Variants in CIZ1 observed in about 807,000 individuals in gnomAD.
The protein encoded by CIZ1 is cip1-interacting zinc finger protein.
A neutral mutation model predicts 118.6 loss-of-function variants in CIZ1; 58 were observed. The ratio of observed to expected loss-of-function variants is 0.49; its 90% confidence interval spans 0.40 to 0.61. The LOEUF (loss-of-function observed/expected upper bound fraction) is 0.61, where lower values mean the gene tolerates loss of function less well. Ranked by LOEUF, CIZ1 falls within the 20% of genes least tolerant of loss-of-function variation. The pLI is 0.00. For synonymous variants in CIZ1, 448 were observed against 443.4 expected (o/e 1.01, Z -0.13); for missense variants, 921 against 1,115.9 (o/e 0.83, Z 2.49).
At position 128,166,634 on chromosome 9, in the gene CIZ1, G is replaced by T; in HGVS notation, c.2487+125C>A. On this transcript the variant is annotated intron_variant, in intron 16 of 16. Coordinates refer to ENST00000372938, the MANE Select transcript of CIZ1 (RefSeq NM_001131016.2). The surrounding 1 kb of genome is among the most constrained non-coding windows in gnomAD (Gnocchi z 4.4). ...CCCAGCTCTAATTCTCTCCCTGTTG[G>T]TGCAGGGGTGGTGCCTGGGGATTGA... 1.6e-6 allele frequency: 2 copies of T among 1,263,516 alleles called. No individual in the cohort carries two copies. Among genetic ancestry groups the T allele is most frequent in the Non-Finnish European group, 1.1e-6 (1 of 880,610 alleles). 78.3% of individuals were successfully genotyped at this position (1,263,516 alleles called of 1,614,324 possible). A position where few individuals can be genotyped will look rare whatever the true frequency, so the allele number is the denominator to read the frequency against.
chr9:128,192,649 C>T (rs1833243535), upstream of CIZ1, among the ~76,000 whole-genome samples: 1 of 152,190 alleles, frequency 6.6e-6, no homozygotes. Context: ...TTCAAGTGGT[C>T]CTCCCGCCTC....
Position 128,187,913 on chromosome 9 carries a change from G to A in CIZ1, c.308C>T (p.Pro103Leu). 1.3e-6 allele frequency: 1 copy of A among 757,788 alleles called. No individual in the cohort carries two copies. Among genetic ancestry groups the A allele is most frequent in the Non-Finnish European group, 2.5e-6 (1 of 405,932 alleles). 46.9% of individuals were successfully genotyped at this position (757,788 alleles called of 1,614,324 possible). A position where few individuals can be genotyped will look rare whatever the true frequency, so the allele number is the denominator to read the frequency against. Residue 103 changes from proline (P) to leucine (L), a missense_variant, in exon 4 of 17, where the codon CCA (proline) becomes CTA (leucine). By Grantham distance (98) the Pro-to-Leu change is moderately conservative. Transcript: ENST00000372938. ...QLQGLDQFAM[P>L]PATYDTAGLT... ...ACCGGCAGTGTCATACGTGGCTGGT[G>A]GCATTGCAAACTGGTCCAGTCCTTT...
chr9:128,175,149 A>G (rs1445289144), intron 11 of CIZ1, among the ~76,000 whole-genome samples: 2 of 152,186 alleles, frequency 1.3e-5, no homozygotes, highest in African/African-American at 4.8e-5. Flanking sequence ...CTGCAGATGC[A>G]ATTTTGAATC....
At chr9:128,192,039 C>G (rs1833210981), upstream of CIZ1, 1 of 719,422 alleles carries the variant, frequency 1.4e-6, no homozygotes, top group Admixed American at 4.1e-5. Flanking sequence ...CCCTCCAAGT[C>G]TTTTCTCAGT....
chr9:128,185,815 G>A lies in CIZ1; in HGVS notation c.359-39C>T, dbSNP rs111467638. 7 of 1,461,902 alleles carry A rather than the reference G, an allele frequency of 4.8e-6. No individual in the cohort carries two copies. The East Asian group carries it at 1.6e-4, about 34-fold the overall frequency. The allele number at this position is 1,461,902 out of a possible 1,614,324, so 90.6% of individuals were successfully genotyped here. ...GACAGGAGAAGAGGGGTCACAATGTGGTCGGGTGGCAGAAGGTAGGGTCAG... is the reference window on the plus strand; with the variant it reads ...GACAGGAGAAGAGGGGTCACAATGTAGTCGGGTGGCAGAAGGTAGGGTCAG... On this transcript the variant is annotated intron_variant, in intron 4 of 16. Transcript: ENST00000372938.
upstream of CIZ1, among the ~76,000 whole-genome samples, chr9:128,192,325 G>T (rs1833226852): frequency 1.3e-5 from 2 of 150,734 alleles, no homozygotes; most frequent in African/African-American, 4.9e-5. Flanking sequence ...AGCTGAGATC[G>T]CGCCACTGCA....
rs7859531 is a variant in CIZ1, at chr9:128,190,129, T to C, written c.286+200A>G. ...CCAGCACCATGGCCAAGGACACACC[T>C]CTGCAATCAGACAGATCTGCATTCA... On this transcript the variant is annotated intron_variant, in intron 3 of 16. Coordinates refer to ENST00000372938, the MANE Select transcript of CIZ1 (RefSeq NM_001131016.2). Among the ~76,000 whole-genome samples, 5,135 of 152,268 alleles carry C rather than the reference T, an allele frequency of 0.034. 277 individuals carry two copies. The highest frequency in any genetic ancestry group is 0.12 in the African/African-American group (4,879 of 41,522).
Position 128,178,874 on chromosome 9 carries a change from G to C in CIZ1, c.1333C>G (p.Pro445Ala), listed in dbSNP as rs1831202483. The C allele has an allele frequency of 4.3e-6, 7 of 1,614,244 alleles. No homozygotes were observed. In the East Asian group the frequency reaches 1.6e-4, roughly 36 times the overall value. ...ACCTGCGCTGGAGGATGCTCCTGTG[G>C]CTGGACGCTTGGCTGTGCCTGTGTG... ...VHTQAQPSVQ[P>A]QEHPPAQVSV... Residue 445 changes from proline (P) to alanine (A), a missense_variant, in exon 8 of 17, where the codon CCA becomes GCA. Physicochemically the swap from Pro to Ala is conservative, Grantham distance 27. Coordinates refer to ENST00000372938, the MANE Select transcript of CIZ1 (RefSeq NM_001131016.2).
chr9:128,178,243 G>A, intron 9 of CIZ1, 126 bp downstream of exon 9: 2 of 1,165,942 alleles, frequency 1.7e-6, no homozygotes, highest in South Asian at 3.0e-5. Flanking sequence ...TAGGCAGAGG[G>A]CTGTCATCCC....
intron 11 of CIZ1, among the ~76,000 whole-genome samples, chr9:128,174,985 A>C (rs139553562): frequency 2.0e-5 from 3 of 152,192 alleles, no homozygotes; most frequent in African/African-American, 7.2e-5. Flanking sequence ...CTCAGGGCCA[A>C]GTAGGATTCA....
At chr9:128,181,827 T>G (rs1831686353) in intron 5 of CIZ1, among the ~76,000 whole-genome samples, 1 of 149,704 alleles carries the variant, frequency 6.7e-6, no homozygotes, top group Non-Finnish European at 1.5e-5. Context: ...CTCCTCCACC[T>G]CTTGTGGAGG....
In CIZ1 at chr9:128,179,055, A is replaced by ATGTGCCTGTGGC. The variant is rs774255150; in HGVS notation, c.1140_1151dup (p.Gln380_Ala383dup). On this transcript the variant is annotated inframe_insertion, in exon 8 of 17. Coordinates refer to ENST00000372938, the MANE Select transcript of CIZ1 (RefSeq NM_001131016.2). Reference sequence around the variant, plus strand: ...GCTGCACCTGCCTTGGGCCCTGTGAATGTGCCTGTGGCTGTACCTGTGGCT... The same window carrying ATGTGCCTGTGGC: ...GCTGCACCTGCCTTGGGCCCTGTGAATGTGCCTGTGGCTGTGCCTGTGGCTGTACCTGTGGCT... 1 of 1,612,648 alleles carries ATGTGCCTGTGGC rather than the reference A, an allele frequency of 6.2e-7. No individual in the cohort carries two copies. Among genetic ancestry groups the ATGTGCCTGTGGC allele is most frequent in the Non-Finnish European group, 8.5e-7 (1 of 1,179,100 alleles).
chr9:128,178,444 C>T lies in CIZ1; in HGVS notation c.1545G>A (p.Met515Ile). ...AGGCCGACTCATTCTGAATCTCTTCCATGCTGACTTGGGTGCCCACAGGCT... is the reference window on the plus strand; with the variant it reads ...AGGCCGACTCATTCTGAATCTCTTCTATGCTGACTTGGGTGCCCACAGGCT... The part of the protein sequence containing the change: ...LPEPVGTQVS[M>I]EEIQNESACG... The change falls in exon 9 of 17, where the codon ATG becomes ATA. Residue 515 changes from methionine (M) to isoleucine (I), a missense_variant. Coordinates refer to ENST00000372938, the MANE Select transcript of CIZ1 (RefSeq NM_001131016.2). The T allele has an allele frequency of 6.2e-7, 1 of 1,614,144 alleles. No homozygotes were observed. Among genetic ancestry groups the T allele is most frequent in the Non-Finnish European group, 8.5e-7 (1 of 1,180,010 alleles).
upstream of CIZ1, chr9:128,191,674 C>G (rs969154524): frequency 1.9e-5 from 24 of 1,285,476 alleles, no homozygotes; most frequent in Admixed American, 4.1e-5. The surrounding 1 kb of genome is among the most constrained non-coding windows in gnomAD (Gnocchi z 5.5). Flanking sequence ...GCACAAGTCA[C>G]GCTGGGGGGC....
At chr9:128,183,434 G>A (rs1443926406) in intron 5 of CIZ1, among the ~76,000 whole-genome samples, 2 of 152,208 alleles carry the variant, frequency 1.3e-5, no homozygotes, top group African/African-American at 4.8e-5. Context: ...GCTGGAGGCG[G>A]GGCCCCTCGC....
rs1030081516 is a variant in CIZ1 at position 128,191,136 on chromosome 9, A to T, written c.-5-274T>A. ...CTCCTTCAAGTCCCTCCATCTCTCC[A>T]TTTCTGGCGGCTCCATCCTCCCACC... On this transcript the variant is annotated intron_variant, in intron 1 of 16. Coordinates refer to ENST00000372938, the MANE Select transcript of CIZ1 (RefSeq NM_001131016.2). The surrounding 1 kb of genome is among the most constrained non-coding windows in gnomAD (Gnocchi z 5.5). 2.4e-5 allele frequency: 12 copies of T among 505,616 alleles called. No individual in the cohort carries two copies. The highest frequency in any genetic ancestry group is 4.2e-5 in the Non-Finnish European group (12 of 288,250). 31.3% of individuals were successfully genotyped at this position (505,616 alleles called of 1,614,324 possible).
chr9:128,168,254 G>A (rs1430313912), intron 14 of CIZ1, among the ~76,000 whole-genome samples: 4 of 152,204 alleles, frequency 2.6e-5, no homozygotes, highest in South Asian at 2.1e-4. Flanking sequence ...GGTGGCTCAC[G>A]CCTGTAATCC....
chr9:128,184,642 A>G (rs1477297419), intron 5 of CIZ1, among the ~76,000 whole-genome samples: 1 of 151,700 alleles, frequency 6.6e-6, no homozygotes, highest in African/African-American at 2.4e-5. Context: ...ACAGGCATGC[A>G]CTATCATGCC....
intron 10 of CIZ1, 129 bp from the exon 11 acceptor site, chr9:128,176,604 T>C: frequency 1.1e-6 from 1 of 944,654 alleles, no homozygotes. Context: ...CATTTCTCTC[T>C]TGTGTAGGCT....
Sources: allele counts gnomAD v4.1 joint callset (sites outside exome capture counted in the v4.1 genomes callset), GRCh38; gene constraint gnomAD v4.1.1; non-coding constraint Gnocchi (gnomAD v3.1); transcripts MANE v1.5; gene names NCBI Gene and HGNC (gene_info 2026-07-23, HGNC 2026-07-21).